Variants in RALGAPA2 observed in about 807,000 individuals in gnomAD.
RALGAPA2 encodes the protein ral GTPase-activating protein subunit alpha-2.
In RALGAPA2, 139 loss-of-function variants were observed where a neutral mutation model predicts 230.4. That is an observed-to-expected ratio of 0.60 (90% CI 0.53 to 0.69). RALGAPA2 has a LOEUF of 0.69. Ranked by LOEUF, RALGAPA2 falls within the 30% of genes least tolerant of loss-of-function variation. The pLI is 0.00. For missense variants in RALGAPA2, 2,163 were observed against 2,276.0 expected (o/e 0.95, Z 1.01); for synonymous variants, 847 against 837.8 (o/e 1.01, Z -0.19).
At chr20:20,400,181 C>A (rs1396873364) in intron 38 of RALGAPA2, among the ~76,000 whole-genome samples, 1 of 152,168 alleles carries the variant, frequency 6.6e-6, no homozygotes, top group East Asian at 1.9e-4. Flanking sequence ...CACTGGCAAC[C>A]CAAGGCCAGT....
At chr20:20,423,400 A>G (rs1302334971) in intron 37 of RALGAPA2, among the ~76,000 whole-genome samples, 1 of 152,192 alleles carries the variant, frequency 6.6e-6, no homozygotes, top group Non-Finnish European at 1.5e-5. Flanking sequence ...GAGGGTGGGC[A>G]GAAGTGAAAG....
intron 10 of RALGAPA2, among the ~76,000 whole-genome samples, chr20:20,623,996 A>G (rs1488887060): frequency 6.6e-6 from 1 of 152,226 alleles, no homozygotes; most frequent in Non-Finnish European, 1.5e-5. Context: ...AAAATGACCC[A>G]AGATCATTAT....
chr20:20,454,110 T>A (rs1048013716), intron 37 of RALGAPA2, among the ~76,000 whole-genome samples: 1 of 152,210 alleles, frequency 6.6e-6, no homozygotes, highest in African/African-American at 2.4e-5. Context: ...TAAGCTCAAC[T>A]TAAGGGGTTC....
intron 36 of RALGAPA2, among the ~76,000 whole-genome samples, chr20:20,490,537 G>C (rs2062023175): frequency 6.6e-6 from 1 of 151,966 alleles, no homozygotes; most frequent in African/African-American, 2.4e-5. Flanking sequence ...CATTTTAAAG[G>C]GCATGATTTA....
chr20:20,620,124 A>C (rs2066275912), intron 11 of RALGAPA2, among the ~76,000 whole-genome samples: 1 of 152,242 alleles, frequency 6.6e-6, no homozygotes, highest in African/African-American at 2.4e-5. Flanking sequence ...ATATTTATTT[A>C]AACAAGTCAA....
intron 4 of RALGAPA2, 119 bp downstream of exon 4, chr20:20,653,411 C>A: frequency 1.5e-6 from 1 of 649,450 alleles, no homozygotes. Flanking sequence ...ACCATAATAC[C>A]ATACCCTTAT....
chr20:20,412,158 T>C lies in RALGAPA2; in HGVS notation c.5496-10A>G. The C allele has an allele frequency of 6.2e-7, 1 of 1,613,616 alleles. No homozygotes were observed. The highest frequency in any genetic ancestry group is 8.5e-7 in the Non-Finnish European group (1 of 1,179,602). ...AGCTCGCTCTTCATAGCTGCGGTAA[T>C]CGGTTAAGGAAACAAGTGCACGTGC... On this transcript the variant is annotated splice_polypyrimidine_tract_variant and intron_variant, in intron 37 of 39. Transcript: ENST00000202677.
At chr20:20,435,372 G>T (rs1256676784) in intron 37 of RALGAPA2, among the ~76,000 whole-genome samples, 2 of 152,256 alleles carry the variant, frequency 1.3e-5, no homozygotes, top group African/African-American at 4.8e-5. Context: ...TACTCTGCTA[G>T]ATGCTGGGAG....
intron 1 of RALGAPA2, among the ~76,000 whole-genome samples, chr20:20,689,511 G>A (rs765179049): frequency 1.3e-5 from 2 of 152,084 alleles, no homozygotes; most frequent in Non-Finnish European, 2.9e-5. Context: ...GCATGGTGGT[G>A]CACGCCTGTA....
intron 1 of RALGAPA2, among the ~76,000 whole-genome samples, chr20:20,691,500 C>A (rs556020825): frequency 3.4e-4 from 52 of 152,190 alleles, no homozygotes; most frequent in African/African-American, 1.1e-3. Context: ...GTGAAAAAAA[C>A]CAGTTTTGTA....
rs978157968 is a variant in RALGAPA2 at position 20,711,251 on chromosome 20, T to C, written c.106+1124A>G. On this transcript the variant is annotated intron_variant, in intron 1 of 39. Coordinates refer to ENST00000202677, the MANE Select transcript of RALGAPA2 (RefSeq NM_020343.4). ...AAATAATCAGCAACTTCTGATCTCA[T>C]GAACAAGATCTTTATTTAAAATCTT... 5.9e-5 allele frequency among the ~76,000 whole-genome samples: 9 copies of C among 152,330 alleles called. No homozygotes were observed. The South Asian group carries it at 1.4e-3, about 25-fold the overall frequency.
chr20:20,589,508 C>G (rs2146084602), intron 17 of RALGAPA2, 143 bp from the exon 18 acceptor site: 1 of 868,848 alleles, frequency 1.2e-6, no homozygotes, highest in Admixed American at 2.8e-5. Flanking sequence ...CCTGGCAAAA[C>G]AGCAGCCTAT....
intron 37 of RALGAPA2, among the ~76,000 whole-genome samples, chr20:20,442,311 G>C (rs2060756383): frequency 6.6e-6 from 1 of 152,234 alleles, no homozygotes; most frequent in African/African-American, 2.4e-5. Context: ...TTGGCCAAGA[G>C]ATACTTGGTG....
chr20:20,700,819 A>G (rs2069328059), intron 1 of RALGAPA2, among the ~76,000 whole-genome samples: 1 of 152,204 alleles, frequency 6.6e-6, no homozygotes, highest in Non-Finnish European at 1.5e-5. Context: ...TTTGGGAGAA[A>G]CCACCACTCT....
chr20:20,571,451 A>G lies in RALGAPA2; in HGVS notation c.3156+7T>C. 1 of 1,608,502 alleles carries G rather than the reference A, an allele frequency of 6.2e-7. No homozygotes were observed. The highest frequency in any genetic ancestry group is 8.5e-7 in the Non-Finnish European group (1 of 1,177,354). On this transcript the variant is annotated splice_region_variant and intron_variant, in intron 23 of 39. Transcript: ENST00000202677. The stretch of plus-strand genomic sequence containing the variant: ...TGGGCAATCACAATAAAGGAGTCGC[A>G]GAATACCTGATCCTCGCTGGTTAAT...
rs2063784481 is a variant in RALGAPA2 at position 20,546,757 on chromosome 20, C to T, written c.3232G>A (p.Val1078Met). The T allele has an allele frequency of 6.2e-7, 1 of 1,611,994 alleles. No homozygotes were observed. Among genetic ancestry groups the T allele is most frequent in the Non-Finnish European group, 8.5e-7 (1 of 1,179,260 alleles). Residue 1078 changes from valine to methionine, a missense_variant, in exon 24 of 40, where the codon GTG (valine) becomes ATG (methionine). Coordinates refer to ENST00000202677, the MANE Select transcript of RALGAPA2 (RefSeq NM_020343.4). ...GCAGCGGCCGTGATGAAGTCCCCCA[C>T]CAGCATTGAGAAGCCAGGAAAACCC... Reference protein sequence around the residue: ...SLGFPGFSMLVGDFITAAARV... With the variant: ...SLGFPGFSMLMGDFITAAARV...
intron 36 of RALGAPA2, among the ~76,000 whole-genome samples, chr20:20,489,326 T>C (rs1443124925): frequency 6.6e-6 from 1 of 152,104 alleles, no homozygotes; most frequent in Non-Finnish European, 1.5e-5. Context: ...GCGTTTCAGT[T>C]CCAAACAGGA....
At chr20:20,624,451 A>AGAAAAAT (rs1267068321) in intron 10 of RALGAPA2, among the ~76,000 whole-genome samples, 1 of 152,186 alleles carries the variant, frequency 6.6e-6, no homozygotes, top group African/African-American at 2.4e-5. Context: ...AGGCCAAGCA[A>AGAAAAAT]GAAAAATTAA....
intron 5 of RALGAPA2, among the ~76,000 whole-genome samples, chr20:20,642,164 GA>G: frequency 8.4e-6 from 1 of 118,866 alleles, no homozygotes; most frequent in Non-Finnish European, 1.8e-5. Flanking sequence ...GAGGGGAGGG[GA>G]GGGGAGGGGA....
Sources: allele counts gnomAD v4.1 joint callset (sites outside exome capture counted in the v4.1 genomes callset), GRCh38; gene constraint gnomAD v4.1.1; transcripts MANE v1.5; gene names NCBI Gene and HGNC (gene_info 2026-07-23, HGNC 2026-07-21).